FKBP15: variants seen among roughly 807,000 people sequenced by gnomAD.
The protein encoded by FKBP15 is FKBP prolyl isomerase family member 15.
FKBP15 carries 106 observed loss-of-function variants against 158.1 expected under a neutral mutation model. The ratio of observed to expected loss-of-function variants is 0.67; its 90% confidence interval spans 0.57 to 0.79. The LOEUF (loss-of-function observed/expected upper bound fraction) is 0.79, where lower values mean the gene tolerates loss of function less well. Ranked by LOEUF, FKBP15 falls within the 30% of genes least tolerant of loss-of-function variation. The pLI, the probability that FKBP15 is intolerant of heterozygous loss-of-function variation, is 0.00. For synonymous variants in FKBP15, 547 were observed against 548.6 expected (o/e 1.00, Z 0.04); for missense variants, 1,287 against 1,479.1 (o/e 0.87, Z 2.13).
intron 19 of FKBP15, 102 bp from the exon 20 acceptor site, chr9:113,178,903 G>C: frequency 8.5e-7 from 1 of 1,180,250 alleles, no homozygotes. Flanking sequence ...CTAGTAAACA[G>C]GGAGTTATGG....
rs1260853914 is a variant in FKBP15, at chr9:113,173,450, T to C, written c.2532+3A>G. The C allele has an allele frequency of 6.2e-7, 1 of 1,612,510 alleles. No individual in the cohort carries two copies. The highest frequency in any genetic ancestry group is 1.3e-5 in the African/African-American group (1 of 74,916). Reference sequence around the variant, plus strand: ...AACTGTCTGACTCAAGAAAAATATGTACCTTTTCCTGAAGTTGTACCAGCT... The same window carrying C: ...AACTGTCTGACTCAAGAAAAATATGCACCTTTTCCTGAAGTTGTACCAGCT... On this transcript the variant is annotated splice_donor_region_variant and intron_variant, in intron 23 of 27. Coordinates refer to ENST00000238256, the MANE Select transcript of FKBP15 (RefSeq NM_015258.2).
chr9:113,194,052 G>A lies in FKBP15; in HGVS notation c.982C>T (p.Pro328Ser). ...NLSADPVVSPPTSIPFKSGEP... is the reference protein window; with the variant it reads ...NLSADPVVSPSTSIPFKSGEP... ...CCTGATTTGAAAGGTATTGATGTGGGTGGTGACACAACAGGATCAGCAGAG... is the reference window on the plus strand; with the variant it reads ...CCTGATTTGAAAGGTATTGATGTGGATGGTGACACAACAGGATCAGCAGAG... Residue 328 changes from proline (P) to serine (S), a missense_variant, in exon 10 of 28, where the codon CCC becomes TCC. Physicochemically the swap from Pro to Ser is moderately conservative, Grantham distance 74. Transcript: ENST00000238256. 1 of 1,612,994 alleles carries A rather than the reference G, an allele frequency of 6.2e-7. No homozygotes were observed. Among genetic ancestry groups the A allele is most frequent in the Non-Finnish European group, 8.5e-7 (1 of 1,179,252 alleles).
intron 1 of FKBP15, 113 bp from the exon 2 acceptor site, chr9:113,211,705 C>T: frequency 1.7e-6 from 1 of 589,046 alleles, no homozygotes; most frequent in East Asian, 3.1e-5. Context: ...TACATCCCAC[C>T]ATTCAATACT....
At chr9:113,195,620 G>C (rs1182699372) in intron 9 of FKBP15, among the ~76,000 whole-genome samples, 1 of 152,144 alleles carries the variant, frequency 6.6e-6, no homozygotes. Context: ...CTCTGTGACA[G>C]GTGTAAACAG....
At chr9:113,187,526 A>G in intron 14 of FKBP15, 1 of 412,444 alleles carries the variant, frequency 2.4e-6, no homozygotes. Context: ...TATGTGTGAA[A>G]AGAAAAGGAA....
At chr9:113,217,927 G>A (rs1831172253) in intron 1 of FKBP15, among the ~76,000 whole-genome samples, 1 of 151,904 alleles carries the variant, frequency 6.6e-6, no homozygotes. Flanking sequence ...ATCTCCCTAT[G>A]TTGGCAAGAA....
chr9:113,190,344 C>G, intron 12 of FKBP15, 127 bp downstream of exon 12: 1 of 760,890 alleles, frequency 1.3e-6, no homozygotes, highest in South Asian at 1.8e-5. Flanking sequence ...CAATCTGTAT[C>G]ATTTTGCATA....
At chr9:113,171,798 CTT>C (rs200502042) in intron 23 of FKBP15, 92 bp from the exon 24 acceptor site, 12,450 of 804,048 alleles carry the variant, frequency 0.015, no homozygotes, top group South Asian at 0.021. Flanking sequence ...CATCAAGTCT[CTT>C]TTTTTTTTTT....
chr9:113,202,326 G>A lies in FKBP15; in HGVS notation c.498+205C>T, dbSNP rs192403520. Reference sequence around the variant, plus strand: ...GTCTTTCTCTGTTAAAAAAGAAAAAGGCTAAATTGTCAAGCAGTTTCAGTA... The same window carrying A: ...GTCTTTCTCTGTTAAAAAAGAAAAAAGCTAAATTGTCAAGCAGTTTCAGTA... On this transcript the variant is annotated intron_variant, in intron 6 of 27. Coordinates refer to ENST00000238256, the MANE Select transcript of FKBP15 (RefSeq NM_015258.2). Among the ~76,000 whole-genome samples the A allele has an allele frequency of 1.2e-4, 19 of 152,240 alleles. No homozygotes were observed. The East Asian group carries it at 3.1e-3, about 25-fold the overall frequency.
In FKBP15 at chr9:113,184,773, A is replaced by G; in HGVS notation, c.1530T>C (p.Thr510=). ...TTTCAGTGTTATGTTGCCGGGCTTC[A>G]GTCATGAGAAATGAAGCCATATCAC... ...GSGDMASFLM[T]EARQHNTEIR... is the part of the protein sequence containing the mutation. The change falls in exon 16 of 28, where the codon ACT becomes ACC. Residue 510 remains threonine, a synonymous_variant. Transcript: ENST00000238256. The surrounding 1 kb of genome is among the most constrained non-coding windows in gnomAD (Gnocchi z 4.5). 1 of 1,604,384 alleles carries G rather than the reference A, an allele frequency of 6.2e-7. No homozygotes were observed. The highest frequency in any genetic ancestry group is 8.5e-7 in the Non-Finnish European group (1 of 1,175,210).
At chr9:113,200,942 G>T (rs6477995) in intron 6 of FKBP15, among the ~76,000 whole-genome samples, 44,688 of 151,288 alleles carry the variant, frequency 0.3, 6,773 homozygotes, top group East Asian at 0.34. Context: ...TACTTGGGAG[G>T]CTGGGGCAGA....
chr9:113,191,370 T>C (rs1830571725), intron 11 of FKBP15, among the ~76,000 whole-genome samples: 1 of 151,964 alleles, frequency 6.6e-6, no homozygotes. Flanking sequence ...TTGCCCAGGC[T>C]GCATTTTTAT....
At chr9:113,202,773 T>G in intron 5 of FKBP15, 144 bp from the exon 6 acceptor site, 1 of 788,610 alleles carries the variant, frequency 1.3e-6, no homozygotes, top group Non-Finnish European at 2.1e-6. Flanking sequence ...TCTCACCCTC[T>G]ACGATTCACC....
rs144207111 is a variant in FKBP15, at chr9:113,184,175, C to T, written c.1716+117G>A. The T allele has an allele frequency of 1.4e-6, 1 of 693,558 alleles. No individual in the cohort carries two copies. The highest frequency in any genetic ancestry group is 2.5e-6 in the Non-Finnish European group (1 of 399,758). The allele number at this position is 693,558 out of a possible 1,614,324, so 43.0% of individuals were successfully genotyped here. On this transcript the variant is annotated intron_variant, in intron 17 of 27. Coordinates refer to ENST00000238256, the MANE Select transcript of FKBP15 (RefSeq NM_015258.2). The surrounding 1 kb of genome is among the most constrained non-coding windows in gnomAD (Gnocchi z 4.5). ...ATGGATTTTCTAGAATTGTCTAACCCAGTGTAGCGTTTATCACAGGCTATT... is the reference window on the plus strand; with the variant it reads ...ATGGATTTTCTAGAATTGTCTAACCTAGTGTAGCGTTTATCACAGGCTATT...
At chr9:113,188,541 A>C in intron 12 of FKBP15, 50 bp from the exon 13 acceptor site, 1 of 1,454,230 alleles carries the variant, frequency 6.9e-7, no homozygotes, top group Non-Finnish European at 9.6e-7. Flanking sequence ...TCCCTCATTG[A>C]AGACTGAGGC....
chr9:113,214,227 T>A (rs1373758517), intron 1 of FKBP15, among the ~76,000 whole-genome samples: 1 of 152,186 alleles, frequency 6.6e-6, no homozygotes, highest in Non-Finnish European at 1.5e-5. Flanking sequence ...ACTCCTGGGC[T>A]CAAGTGATCC....
intron 23 of FKBP15, 93 bp from the exon 24 acceptor site, chr9:113,171,799 T>C: frequency 4.3e-6 from 1 of 233,748 alleles, no homozygotes; most frequent in Non-Finnish European, 6.4e-6. Flanking sequence ...ATCAAGTCTC[T>C]TTTTTTTTTT....
chr9:113,206,988 G>T, intron 3 of FKBP15: 1 of 494,648 alleles, frequency 2.0e-6, no homozygotes, highest in Non-Finnish European at 3.6e-6. Flanking sequence ...GCATTTGACA[G>T]CTGTTGAGGG....
rs973214602 is a variant in FKBP15 at position 113,169,841 on chromosome 9, G to C, written c.2868C>G (p.Ser956=). Residue 956 remains serine (S), a synonymous_variant, in exon 26 of 28, where the codon TCC becomes TCG. Transcript: ENST00000238256. The part of the protein sequence containing the change: ...EKAEERPRRP[S]QEQSASASSG... Reference sequence around the variant, plus strand: ...AACTGGCTGAGGCTGACTGCTCCTGGGAAGGTCTTCGTGGCCGCTCTTCTG... The same window carrying C: ...AACTGGCTGAGGCTGACTGCTCCTGCGAAGGTCTTCGTGGCCGCTCTTCTG... 6.4e-7 allele frequency: 1 copy of C among 1,557,610 alleles called. No individual in the cohort carries two copies. The highest frequency in any genetic ancestry group is 1.4e-5 in the African/African-American group (1 of 73,328).
Sources: allele counts gnomAD v4.1 joint callset (sites outside exome capture counted in the v4.1 genomes callset), GRCh38; gene constraint gnomAD v4.1.1; non-coding constraint Gnocchi (gnomAD v3.1); transcripts MANE v1.5; gene names NCBI Gene and HGNC (gene_info 2026-07-23, HGNC 2026-07-21).